ADA: variants seen among roughly 807,000 people sequenced by gnomAD.
The protein encoded by ADA is adenosine deaminase.
A neutral mutation model predicts 49.0 loss-of-function variants in ADA; 45 were observed. The observed-to-expected ratio is 0.92, with a 90% confidence interval of 0.72 to 1.18. The LOEUF (loss-of-function observed/expected upper bound fraction) is 1.18, where lower values mean the gene tolerates loss of function less well. Ranked by LOEUF, ADA falls within the 50% of genes most tolerant of loss-of-function variation. The pLI, the probability that ADA is intolerant of heterozygous loss-of-function variation, is 0.00. For missense variants in ADA, 445 were observed against 472.5 expected (o/e 0.94, Z 0.54); for synonymous variants, 173 against 184.2 (o/e 0.94, Z 0.49).
At chr20:44,642,219 G>A (rs2065542557) in intron 1 of ADA, among the ~76,000 whole-genome samples, 2 of 152,212 alleles carry the variant, frequency 1.3e-5, no homozygotes, top group Admixed American at 6.5e-5. Context: ...AGGCCCTGGA[G>A]GGACAAGCAG....
intron 5 of ADA, 112 bp downstream of exon 5, chr20:44,625,457 C>G: frequency 1.1e-5 from 11 of 974,294 alleles, no homozygotes; most frequent in Non-Finnish European, 1.7e-5. Flanking sequence ...CTCAAGGGGA[C>G]ACCATGGGGC....
chr20:44,649,782 C>T (rs1171975171), intron 1 of ADA, among the ~76,000 whole-genome samples: 1 of 134,508 alleles, frequency 7.4e-6, no homozygotes, highest in Non-Finnish European at 1.5e-5. Context: ...GTCACCCAGG[C>T]TGGAGTGCAA....
At position 44,644,625 on chromosome 20, in the gene ADA, C is replaced by T. The variant is rs576127952; in HGVS notation, c.33+6950G>A. Among the ~76,000 whole-genome samples, 24 of 152,350 alleles carry T rather than the reference C, an allele frequency of 1.6e-4. No homozygotes were observed. The East Asian group carries it at 4.4e-3, about 28-fold the overall frequency. On this transcript the variant is annotated intron_variant, in intron 1 of 11. Transcript: ENST00000372874. ...GTGATGAGCTGGGCAGTGCCAGGGTCAGTGACTTATGCCACTATGGCCTCT... is the reference window on the plus strand; with the variant it reads ...GTGATGAGCTGGGCAGTGCCAGGGTTAGTGACTTATGCCACTATGGCCTCT...
At chr20:44,646,606 C>T (rs1179847222) in intron 1 of ADA, among the ~76,000 whole-genome samples, 2 of 151,962 alleles carry the variant, frequency 1.3e-5, no homozygotes, top group East Asian at 3.8e-4. Flanking sequence ...ATGTCAGTTT[C>T]CCCAAGAACC....
At chr20:44,637,341 T>C (rs1020986779) in intron 1 of ADA, among the ~76,000 whole-genome samples, 2 of 151,694 alleles carry the variant, frequency 1.3e-5, no homozygotes, top group African/African-American at 2.4e-5. Context: ...CCAAGAAAAA[T>C]TGTAAGGATT....
intron 9 of ADA, 116 bp from the exon 10 acceptor site, chr20:44,621,263 G>C: frequency 7.5e-7 from 1 of 1,338,036 alleles, no homozygotes; most frequent in Non-Finnish European, 1.1e-6. Context: ...AGATCTGAAA[G>C]ATCTGATCCT....
At chr20:44,632,611 T>G (rs990713914) in intron 2 of ADA, among the ~76,000 whole-genome samples, 1 of 152,130 alleles carries the variant, frequency 6.6e-6, no homozygotes, top group South Asian at 2.1e-4. Context: ...GAAAGAGCTG[T>G]TCCTAGGGCC....
chr20:44,651,219 G>A (rs1308119023), intron 1 of ADA, among the ~76,000 whole-genome samples: 2 of 152,204 alleles, frequency 1.3e-5, no homozygotes, highest in Non-Finnish European at 2.9e-5. Context: ...TGCCTATCCG[G>A]CGTAGACATC....
intron 2 of ADA, among the ~76,000 whole-genome samples, chr20:44,633,128 G>A (rs1268462690): frequency 6.6e-6 from 1 of 152,228 alleles, no homozygotes; most frequent in African/African-American, 2.4e-5. Context: ...GAGGGAGGAT[G>A]AGCTCAGGGG....
At chr20:44,635,631 G>A (rs2065472678) in intron 2 of ADA, among the ~76,000 whole-genome samples, 2 of 152,192 alleles carry the variant, frequency 1.3e-5, no homozygotes, top group Admixed American at 1.3e-4. Flanking sequence ...AGGCACAGTG[G>A]CTCATGCCTG....
intron 10 of ADA, 94 bp from the exon 11 acceptor site, chr20:44,620,495 T>C: frequency 1.9e-6 from 2 of 1,056,534 alleles, no homozygotes; most frequent in Non-Finnish European, 2.9e-6. Flanking sequence ...TCACTCAACA[T>C]GGGCAGATAC....
chr20:44,625,255 G>A (rs1003974911), intron 5 of ADA, among the ~76,000 whole-genome samples: 7 of 152,200 alleles, frequency 4.6e-5, no homozygotes, highest in Non-Finnish European at 8.8e-5. Context: ...ACTGGGTCTC[G>A]AGGGAGGACT....
At chr20:44,623,952 G>T in intron 6 of ADA, 1 of 510,716 alleles carries the variant, frequency 2.0e-6, no homozygotes, top group Non-Finnish European at 3.8e-6. Flanking sequence ...TCACTATGTT[G>T]CCCTGGCTGG....
In ADA at chr20:44,648,605, T is replaced by C. The variant is rs2065614560; in HGVS notation, c.33+2970A>G. On this transcript the variant is annotated intron_variant, in intron 1 of 11. Transcript: ENST00000372874. Reference sequence around the variant, plus strand: ...GTTCTTCTGCTCAGTCTGCCGCCACTGGACTCTCTTCCCTGTGTCTAAGCC... The same window carrying C: ...GTTCTTCTGCTCAGTCTGCCGCCACCGGACTCTCTTCCCTGTGTCTAAGCC... Among the ~76,000 whole-genome samples, 3 of 152,040 alleles carry C rather than the reference T, an allele frequency of 2.0e-5. No homozygotes were observed. In the South Asian group the frequency reaches 6.2e-4, roughly 31 times the overall value.
At chr20:44,646,307 C>T (rs1386248913) in intron 1 of ADA, among the ~76,000 whole-genome samples, 1 of 152,204 alleles carries the variant, frequency 6.6e-6, no homozygotes, top group Non-Finnish European at 1.5e-5. Context: ...CTCCTTTGTT[C>T]CCCTCCACCA....
At chr20:44,626,969 A>G (rs749867729) in intron 3 of ADA, among the ~76,000 whole-genome samples, 5 of 152,038 alleles carry the variant, frequency 3.3e-5, no homozygotes, top group Non-Finnish European at 7.4e-5. Flanking sequence ...GGAGAGTGAC[A>G]TCGCAACTCC....
In ADA at chr20:44,623,018, C is replaced by T; in HGVS notation, c.667G>A (p.Val223Ile). 1 of 1,614,242 alleles carries T rather than the reference C, an allele frequency of 6.2e-7. No homozygotes were observed. Among genetic ancestry groups the T allele is most frequent in the Non-Finnish European group, 8.5e-7 (1 of 1,180,044 alleles). The change falls in exon 7 of 12, where the codon GTA (valine) becomes ATA (isoleucine). Residue 223 changes from valine (V) to isoleucine (I), a missense_variant. By Grantham distance (29) the Val-to-Ile change is conservative. Coordinates refer to ENST00000372874, the MANE Select transcript of ADA (RefSeq NM_000022.4). ...VHAGEVGSAEVVKEAVDILKT... is the reference protein window; with the variant it reads ...VHAGEVGSAEIVKEAVDILKT... ...GCCCAGGCCCTCACCTCTTTTACTA[C>T]TTCGGCCGAGCCCACCTCCCCGGCG... is the stretch of plus-strand genomic sequence containing the variant.
At chr20:44,649,753 T>TG (rs3041775) in intron 1 of ADA, among the ~76,000 whole-genome samples, 8 of 117,530 alleles carry the variant, frequency 6.8e-5, no homozygotes, top group Non-Finnish European at 1.5e-4. Context: ...TTTTTTTTTT[T>TG]GAGACAGCGT....
rs2065417357 is a variant in ADA, at chr20:44,629,821, A to C, written c.96-652T>G. On this transcript the variant is annotated intron_variant, in intron 2 of 11. Coordinates refer to ENST00000372874, the MANE Select transcript of ADA (RefSeq NM_000022.4). ...GCAGCGCTCAGTAAGAGCGTGCTGG[A>C]AACAGCCCCTCTGGCTTGGAGCCTC... Among the ~76,000 whole-genome samples the C allele has an allele frequency of 2.6e-5, 4 of 152,168 alleles. No homozygotes were observed. The South Asian group carries it at 8.3e-4, about 31-fold the overall frequency.
Sources: allele counts gnomAD v4.1 joint callset (sites outside exome capture counted in the v4.1 genomes callset), GRCh38; gene constraint gnomAD v4.1.1; transcripts MANE v1.5; gene names NCBI Gene and HGNC (gene_info 2026-07-23, HGNC 2026-07-21).